Variants in UGT1A6 observed in about 807,000 individuals in gnomAD.
UGT1A6 encodes the protein UDP-glucuronosyltransferase 1A6.
A neutral mutation model predicts 44.4 loss-of-function variants in UGT1A6; 32 were observed. The ratio of observed to expected loss-of-function variants is 0.72; its 90% confidence interval spans 0.54 to 0.97. The LOEUF is 0.97. Ranked by LOEUF, UGT1A6 falls within the 50% of genes least tolerant of loss-of-function variation. The probability of loss-of-function intolerance (pLI) is 0.00; values close to 1 mark genes in which losing one functional copy is unlikely to be tolerated. For missense variants in UGT1A6, 685 were observed against 661.9 expected, an observed-to-expected ratio of 1.03 and a Z score of -0.38; for synonymous variants, 238 against 248.5, an observed-to-expected ratio of 0.96 and a Z score of 0.40.
chr2:233,761,267 C>T, intron 1 of UGT1A6: 1 of 1,593,550 alleles, frequency 6.3e-7, no homozygotes, highest in South Asian at 1.1e-5. Flanking sequence ...TTTAAAATGC[C>T]CTCTTTTGTT....
chr2:233,743,581 A>C lies in UGT1A6; in HGVS notation c.862-23453A>C, dbSNP rs28900376. 32 of 1,367,320 alleles carry C rather than the reference A, an allele frequency of 2.3e-5. No individual in the cohort carries two copies. The East Asian group carries it at 4.1e-4, about 17-fold the overall frequency. 84.7% of individuals were successfully genotyped at this position (1,367,320 alleles called of 1,614,324 possible). Reference sequence around the variant, plus strand: ...TCTCCAGCGGGTTTCCCAAGAGGTCAAAGGAGAATGGGTCCTGGCCGCCGA... The same window carrying C: ...TCTCCAGCGGGTTTCCCAAGAGGTCCAAGGAGAATGGGTCCTGGCCGCCGA... On this transcript the variant is annotated intron_variant, in intron 1 of 4. Transcript: ENST00000305139.
chr2:233,719,031 G>A, intron 1 of UGT1A6: 3 of 1,614,284 alleles, frequency 1.9e-6, no homozygotes, highest in East Asian at 2.2e-5. Flanking sequence ...GCACATCAAA[G>A]AAGAGAAATT....
At chr2:233,762,598 T>C (rs903275038) in intron 1 of UGT1A6, among the ~76,000 whole-genome samples, 9 of 152,226 alleles carry the variant, frequency 5.9e-5, no homozygotes, top group Admixed American at 2.6e-4. Context: ...CAATTTGTAT[T>C]CCAGGAGTTT....
intron 1 of UGT1A6, among the ~76,000 whole-genome samples, chr2:233,730,665 G>A (rs752963850): frequency 1.3e-5 from 2 of 152,252 alleles, no homozygotes; most frequent in African/African-American, 4.8e-5. Flanking sequence ...AGTTCGGAAG[G>A]CAAAGTAATG....
intron 1 of UGT1A6, chr2:233,753,549 G>A (rs917906556): frequency 6.6e-6 from 1 of 152,150 alleles, no homozygotes; most frequent in Admixed American, 6.5e-5. Flanking sequence ...TTCCTCAGAG[G>A]TGACCCTAGA....
intron 1 of UGT1A6, chr2:233,747,341 C>T: frequency 6.2e-7 from 1 of 1,603,526 alleles, no homozygotes; most frequent in Non-Finnish European, 8.5e-7. Flanking sequence ...CACTGGCTCG[C>T]ATGCGGGAGG....
intron 1 of UGT1A6, among the ~76,000 whole-genome samples, chr2:233,704,329 A>C (rs1314519852): frequency 7.9e-6 from 1 of 126,880 alleles, no homozygotes; most frequent in African/African-American, 3.3e-5. Flanking sequence ...TTTTCTTTCC[A>C]CTATTTAAAA....
chr2:233,771,304 C>T (rs1274088915), intron 4 of UGT1A6: 1 of 152,118 alleles, frequency 6.6e-6, no homozygotes, highest in Non-Finnish European at 1.5e-5. Flanking sequence ...CTTCCTCCTC[C>T]TTTTCCCTCT....
intron 1 of UGT1A6, among the ~76,000 whole-genome samples, chr2:233,703,376 G>A (rs1195838939): frequency 2.0e-5 from 3 of 151,480 alleles, no homozygotes; most frequent in African/African-American, 4.9e-5. Context: ...TATCAATTTT[G>A]TCTATATTTT....
Position 233,693,264 on chromosome 2 carries a change from TG to T in UGT1A6, c.261del (p.Lys88ArgfsTer18). The T allele has an allele frequency of 6.2e-7, 1 of 1,614,122 alleles. No homozygotes were observed. Among genetic ancestry groups the T allele is most frequent in the South Asian group, 1.1e-5 (1 of 91,046 alleles). The stretch of plus-strand genomic sequence containing the variant: ...CCAGTGCCGTATGACCAAGAAGAGC[TG>T]AAGAACCGTTACCAATCATTTGGAA... ...IYPVPYDQEE[L>X]KNRYQSFGNN... is the part of the protein sequence containing the mutation. On this transcript the variant is annotated frameshift_variant, in exon 1 of 5. Transcript: ENST00000305139. LOFTEE classifies it high-confidence loss of function.
At chr2:233,694,023 A>G (rs2075196025) in intron 1 of UGT1A6, among the ~76,000 whole-genome samples, 158 bp downstream of exon 1, 1 of 152,122 alleles carries the variant, frequency 6.6e-6, no homozygotes, top group African/African-American at 2.4e-5. Context: ...CACATAGGAG[A>G]CCTGAGGCTG....
chr2:233,750,438 G>A (rs1694457559), intron 1 of UGT1A6, among the ~76,000 whole-genome samples: 1 of 151,952 alleles, frequency 6.6e-6, no homozygotes, highest in South Asian at 2.1e-4. Flanking sequence ...ATTTTATGGG[G>A]AGAAATTCAA....
At chr2:233,723,877 C>A (rs1300798569) in intron 1 of UGT1A6, among the ~76,000 whole-genome samples, 1 of 40,764 alleles carries the variant, frequency 2.5e-5, no homozygotes, top group East Asian at 4.6e-4. Flanking sequence ...GATCCCAAGG[C>A]AGAGGAATTT....
chr2:233,757,535 A>AATAAATATACATATACATATAT (rs1553619837), intron 1 of UGT1A6, among the ~76,000 whole-genome samples: 4 of 88,306 alleles, frequency 4.5e-5, no homozygotes, highest in African/African-American at 2.0e-4. Flanking sequence ...GCCTGTAAGG[A>AATAAATATACATATACATATAT]ATATATATAT....
At chr2:233,760,448 GA>G in intron 1 of UGT1A6, 1 of 1,614,238 alleles carries the variant, frequency 6.2e-7, no homozygotes, top group East Asian at 2.2e-5. Context: ...CAGCAGAGGG[GA>G]CATGAAATAG....
At chr2:233,747,619 C>T (rs988412052) in intron 1 of UGT1A6, 2 of 1,575,824 alleles carry the variant, frequency 1.3e-6, no homozygotes, top group Admixed American at 1.7e-5. Flanking sequence ...CATAATGAGG[C>T]CCTGATCAGG....
chr2:233,734,476 T>C (rs1027928479), intron 1 of UGT1A6, among the ~76,000 whole-genome samples: 15 of 152,296 alleles, frequency 9.8e-5, no homozygotes, highest in African/African-American at 3.6e-4. Context: ...CCTGGATTCA[T>C]TGATTTTTTT....
At chr2:233,724,339 G>T (rs2077227774) in intron 1 of UGT1A6, among the ~76,000 whole-genome samples, 3 of 142,760 alleles carry the variant, frequency 2.1e-5, no homozygotes, top group Non-Finnish European at 3.1e-5. Context: ...GCGGGGGGCT[G>T]ACCCCCCCCA....
At chr2:233,721,050 TG>T (rs1173699301) in intron 1 of UGT1A6, among the ~76,000 whole-genome samples, 91 of 152,238 alleles carry the variant, frequency 6.0e-4, no homozygotes, top group Non-Finnish European at 3.1e-4. Context: ...AGCCCTTTTT[TG>T]TCATATTCAC....
Sources: allele counts gnomAD v4.1 joint callset (sites outside exome capture counted in the v4.1 genomes callset), GRCh38; gene constraint gnomAD v4.1.1; transcripts MANE v1.5; gene names NCBI Gene and HGNC (gene_info 2026-07-23, HGNC 2026-07-21).